Variants in PPP1R12A observed in about 807,000 individuals in gnomAD.
PPP1R12A encodes myosin binding subunit.
PPP1R12A carries 19 observed loss-of-function variants against 139.6 expected under a neutral mutation model. The observed-to-expected ratio is 0.14, with a 90% CI of 0.09 to 0.20. The LOEUF is 0.20. PPP1R12A is among the 10% of genes least tolerant of loss of function. The probability of loss-of-function intolerance (pLI) is 1.00; values close to 1 mark genes in which losing one functional copy is unlikely to be tolerated. For synonymous variants in PPP1R12A, 427 were observed against 420.6 expected (o/e 1.02, Z -0.19); for missense variants, 925 against 1,211.5 (o/e 0.76, Z 3.51).
chr12:79,901,861 C>CAG (rs979937073), intron 1 of PPP1R12A, among the ~76,000 whole-genome samples: 15 of 152,154 alleles, frequency 9.9e-5, no homozygotes, highest in African/African-American at 3.6e-4. Context: ...GAATAAGACA[C>CAG]AGAGTCAGGG....
chr12:79,871,752 G>A (rs1020776866), intron 2 of PPP1R12A, among the ~76,000 whole-genome samples: 2 of 152,002 alleles, frequency 1.3e-5, no homozygotes, highest in African/African-American at 4.8e-5. Context: ...AGTCCAAAAA[G>A]GAAGTAAAGA....
intron 2 of PPP1R12A, among the ~76,000 whole-genome samples, chr12:79,864,465 C>G (rs965525204): frequency 4.0e-5 from 6 of 151,846 alleles, no homozygotes; most frequent in African/African-American, 7.3e-5. Context: ...CAAAAGCTAG[C>G]AGAAGACAAG....
At chr12:79,846,283 G>A (rs1242436309) in intron 2 of PPP1R12A, among the ~76,000 whole-genome samples, 1 of 152,130 alleles carries the variant, frequency 6.6e-6, no homozygotes, top group East Asian at 1.9e-4. Context: ...ACAATTCTAA[G>A]AAAGTATCTA....
At chr12:79,849,964 C>A in intron 2 of PPP1R12A, among the ~76,000 whole-genome samples, 1 of 151,630 alleles carries the variant, frequency 6.6e-6, no homozygotes, top group East Asian at 1.9e-4. Context: ...GCTAGGAATA[C>A]AAGAACATAC....
At chr12:79,832,518 A>C (rs771696612) in intron 3 of PPP1R12A, 27 bp from the exon 4 acceptor site, 1 of 1,548,684 alleles carries the variant, frequency 6.5e-7, no homozygotes, top group Admixed American at 2.0e-5. Flanking sequence ...AGTTCTTTTT[A>C]TTTTTGCTTA....
chr12:79,837,738 GTC>G (rs1264044051), intron 3 of PPP1R12A, among the ~76,000 whole-genome samples: 3 of 152,124 alleles, frequency 2.0e-5, no homozygotes, highest in Non-Finnish European at 4.4e-5. Flanking sequence ...TGTTCAGCAT[GTC>G]TCTCTCCAGC....
chr12:79,812,083 T>C (rs555106091), intron 9 of PPP1R12A, among the ~76,000 whole-genome samples: 22 of 152,278 alleles, frequency 1.4e-4, no homozygotes, highest in African/African-American at 5.1e-4. Context: ...ATACTACTAT[T>C]ACTGTTATTT....
intron 14 of PPP1R12A, among the ~76,000 whole-genome samples, chr12:79,800,126 A>G (rs1421278140): frequency 6.6e-6 from 1 of 152,236 alleles, no homozygotes; most frequent in Non-Finnish European, 1.5e-5. Flanking sequence ...ACGCTTCATC[A>G]AATTACACCA....
chr12:79,846,287 G>T (rs1186816849), intron 2 of PPP1R12A, among the ~76,000 whole-genome samples: 1 of 152,112 alleles, frequency 6.6e-6, no homozygotes, highest in Non-Finnish European at 1.5e-5. Context: ...TTCTAAGAAA[G>T]TATCTATAGG....
chr12:79,815,042 C>T (rs1275724743), intron 9 of PPP1R12A, among the ~76,000 whole-genome samples: 1 of 152,024 alleles, frequency 6.6e-6, no homozygotes, highest in African/African-American at 2.4e-5. Flanking sequence ...AGAACTTTTA[C>T]AGCAAAGAGA....
At chr12:79,851,688 A>G (rs1283268371) in intron 2 of PPP1R12A, among the ~76,000 whole-genome samples, 1 of 152,168 alleles carries the variant, frequency 6.6e-6, no homozygotes. Flanking sequence ...AATTTGGGAA[A>G]AGTTTTCAGT....
At chr12:79,890,893 ACC>A (rs1491425168) in intron 1 of PPP1R12A, among the ~76,000 whole-genome samples, 1,696 of 99,132 alleles carry the variant, frequency 0.017, 37 homozygotes, top group African/African-American at 0.06. Flanking sequence ...CACACCACCC[ACC>A]CACACCCACC....
rs188407753 is a variant in PPP1R12A, at chr12:79,927,986, A to G, written c.237+6709T>C. On this transcript the variant is annotated intron_variant, in intron 1 of 24. Transcript: ENST00000450142. ...GAGGCAATGAAAATAGCAACTTCAT[A>G]TAGTGTCAAGAAGTAACATGTTATG... 2.2e-4 allele frequency among the ~76,000 whole-genome samples: 33 copies of G among 152,336 alleles called. 1 individual carries two copies. In the Middle Eastern group the frequency reaches 0.014, roughly 63 times the overall value.
At position 79,775,934 on chromosome 12, in the gene PPP1R12A, TGG is replaced by T; in HGVS notation, c.3086_3087del (p.Ser1029Ter). 6.4e-7 allele frequency: 1 copy of T among 1,573,216 alleles called. No homozygotes were observed. Among genetic ancestry groups the T allele is most frequent in the Non-Finnish European group, 8.6e-7 (1 of 1,159,410 alleles). ...ACTTGCTGCTTTTTTTTTTTTTATT[TGG>T]AAAGTTTGCTTATAACTCTGATCAA... ...GALIRVISKL[S>X]K On this transcript the variant is annotated frameshift_variant, in exon 25 of 25. Coordinates refer to ENST00000450142, the MANE Select transcript of PPP1R12A (RefSeq NM_002480.3). LOFTEE classifies it high-confidence loss of function.
intron 23 of PPP1R12A, chr12:79,780,234 A>G (rs1376824200): frequency 6.6e-6 from 1 of 152,032 alleles, no homozygotes; most frequent in Non-Finnish European, 1.5e-5. Context: ...AACAAAAAAA[A>G]AACACAAGGA....
chr12:79,853,739 A>T (rs1880314633), intron 2 of PPP1R12A, among the ~76,000 whole-genome samples: 1 of 152,220 alleles, frequency 6.6e-6, no homozygotes, highest in South Asian at 2.1e-4. Context: ...TATTTATTAA[A>T]AACATTTACA....
rs755861083 is a variant in PPP1R12A at position 79,934,739 on chromosome 12, C to T, written c.193G>A (p.Asp65Asn). ...CCGTCCACATTGGCGTAATTGATGTCGGCGCCGCGGTGCAGCAGCTTGAGG... is the reference window on the plus strand; with the variant it reads ...CCGTCCACATTGGCGTAATTGATGTTGGCGCCGCGGTGCAGCAGCTTGAGG... ...EVLKLLHRGA[D>N]INYANVDGLT... Residue 65 changes from aspartate (D) to asparagine (N), a missense_variant, in exon 1 of 25, where the codon GAC (aspartate) becomes AAC (asparagine). Transcript: ENST00000450142. 7 of 1,549,926 alleles carry T rather than the reference C, an allele frequency of 4.5e-6. No homozygotes were observed. The South Asian group carries it at 8.3e-5, about 18-fold the overall frequency.
At position 79,778,513 on chromosome 12, in the gene PPP1R12A, A is replaced by T. The variant is rs79937701; in HGVS notation, c.3006+37T>A. ...TAGTATTTTAAACATTAATACATAA[A>T]CAGCACTCTCTCTCATAAGTAACAT... On this transcript the variant is annotated intron_variant, in intron 24 of 24. Transcript: ENST00000450142. 7.0e-4 allele frequency: 960 copies of T among 1,362,682 alleles called. 4 individuals are homozygous for T. In the African/African-American group the frequency reaches 0.012, roughly 18 times the overall value. The allele number at this position is 1,362,682 out of a possible 1,614,324, so 84.4% of individuals were successfully genotyped here.
intron 1 of PPP1R12A, among the ~76,000 whole-genome samples, chr12:79,879,281 C>T (rs1223676378): frequency 2.6e-5 from 4 of 151,992 alleles, no homozygotes; most frequent in Non-Finnish European, 4.4e-5. Context: ...GCATGAGAAT[C>T]GCTTGAACCT....
Sources: allele counts gnomAD v4.1 joint callset (sites outside exome capture counted in the v4.1 genomes callset), GRCh38; gene constraint gnomAD v4.1.1; transcripts MANE v1.5; gene names NCBI Gene and HGNC (gene_info 2026-07-23, HGNC 2026-07-21).